The following KRT39 variants were observed in gnomAD, a reference collection of about 807,000 sequenced individuals.
KRT39 encodes keratin, type I cytoskeletal 39.
KRT39 carries 47 observed loss-of-function variants against 54.8 expected under a neutral mutation model. The ratio of observed to expected loss-of-function variants is 0.86; its 90% CI spans 0.68 to 1.09. The LOEUF (loss-of-function observed/expected upper bound fraction) is 1.09. Ranked by LOEUF, KRT39 falls within the 50% of genes least tolerant of loss-of-function variation. KRT39 has a pLI of 0.00. For missense variants in KRT39, 580 were observed against 598.5 expected, an observed-to-expected ratio of 0.97 and a Z score of 0.32; for synonymous variants, 207 against 227.9, an observed-to-expected ratio of 0.91 and a Z score of 0.83.
chr17:40,962,610 C>A (rs919825749), intron 3 of KRT39, 47 bp from the exon 4 acceptor site: 7 of 1,529,644 alleles, frequency 4.6e-6, no homozygotes, highest in East Asian at 2.3e-5. Context: ...ACAGATAACC[C>A]CTTTGTGTTC....
rs747916915 is a variant in KRT39, at chr17:40,958,780, C to T, written c.1297G>A (p.Ala433Thr). 2 of 1,613,944 alleles carry T rather than the reference C, an allele frequency of 1.2e-6. No individual in the cohort carries two copies. The highest frequency in any genetic ancestry group is 4.5e-5 in the East Asian group (2 of 44,850). ...SCKSGAIEST[A>T]PACTSSSPCS... ...GGGGATGAGGATGTGCAAGCTGGGG[C>T]CGTGCTTTCTATGGCTCCGGACTTA... Residue 433 changes from alanine to threonine, a missense_variant, in exon 7 of 7, where the codon GCC (alanine) becomes ACC (threonine). Physicochemically the swap from Ala to Thr is moderately conservative, Grantham distance 58. Coordinates refer to ENST00000355612, the MANE Select transcript of KRT39 (RefSeq NM_213656.4).
chr17:40,963,536 G>A, intron 3 of KRT39, 91 bp downstream of exon 3: 1 of 1,221,112 alleles, frequency 8.2e-7, no homozygotes, highest in Non-Finnish European at 1.1e-6. Flanking sequence ...ACTAATACAA[G>A]CGGGCACACC....
chr17:40,961,997 G>A (rs2063333), intron 5 of KRT39, among the ~76,000 whole-genome samples, 165 bp downstream of exon 5: 99,289 of 152,124 alleles, frequency 0.65, 34,051 homozygotes, highest in African/African-American at 0.88. Flanking sequence ...TTAGTGCAGC[G>A]TTTCGTAGAC....
intron 5 of KRT39, among the ~76,000 whole-genome samples, chr17:40,961,458 G>A (rs1911149361): frequency 6.6e-6 from 1 of 152,136 alleles, no homozygotes; most frequent in Non-Finnish European, 1.5e-5. Context: ...ACCAGTGTGG[G>A]GCAAGGTCTT....
At position 40,962,278 on chromosome 17, in the gene KRT39, G is replaced by T; in HGVS notation, c.880C>A (p.Leu294Met). Residue 294 changes from leucine to methionine, a missense_variant, in exon 5 of 7, where the codon CTG becomes ATG. Physicochemically the swap from Leu to Met is conservative, Grantham distance 15. Coordinates refer to ENST00000355612, the MANE Select transcript of KRT39 (RefSeq NM_213656.4). ...GAGCTGGTCACCACTTGTTGATTCA[G>T]CTCCTCTATCTGAAACACACAGCCA... ...EQWFNTQIEE[L>M]NQQVVTSSQQ... 6.2e-7 allele frequency: 1 copy of T among 1,614,182 alleles called. No homozygotes were observed. The highest frequency in any genetic ancestry group is 8.5e-7 in the Non-Finnish European group (1 of 1,180,040).
rs1911195949 is a variant in KRT39 at position 40,962,476 on chromosome 17, G to A, written c.796C>T (p.Gln266Ter). Residue 266 changes from glutamine to a stop codon, truncating the protein, a stop_gained, in exon 4 of 7, where the codon CAA (glutamine) becomes TAA (stop). Transcript: ENST00000355612. LOFTEE classifies it high-confidence loss of function. ...APSADLNQVL[Q>*]EMRCQYEPIM... ...GGCTCATATTGACATCTCATTTCTTGTAGAACCTGGTTTAGGTCAGCAGAA... is the reference window on the plus strand; with the variant it reads ...GGCTCATATTGACATCTCATTTCTTATAGAACCTGGTTTAGGTCAGCAGAA... The A allele has an allele frequency of 5.0e-6, 8 of 1,614,142 alleles. No individual in the cohort carries two copies. The highest frequency in any genetic ancestry group is 6.8e-6 in the Non-Finnish European group (8 of 1,180,030).
Position 40,958,810 on chromosome 17 carries a change from A to T in KRT39, c.1267T>A (p.Ser423Thr). 6.2e-7 allele frequency: 1 copy of T among 1,613,220 alleles called. No individual in the cohort carries two copies. ...ATKCEPSPWT[S>T]CKSGAIESTA... ...CTTTCTATGGCTCCGGACTTACAAG[A>T]TGTCCAAGGGGAAGGCTCACATTTG... is the stretch of plus-strand genomic sequence containing the variant. Residue 423 changes from serine to threonine, a missense_variant, in exon 7 of 7, where the codon TCT becomes ACT. Coordinates refer to ENST00000355612, the MANE Select transcript of KRT39 (RefSeq NM_213656.4).
intron 2 of KRT39, chr17:40,964,127 A>G: frequency 2.3e-6 from 1 of 438,668 alleles, no homozygotes; most frequent in Non-Finnish European, 4.0e-6. Context: ...AGTTATGCTT[A>G]CCTTTGGGTG....
At chr17:40,960,218 C>G (rs1911081651) in intron 6 of KRT39, 63 bp downstream of exon 6, 1 of 1,432,912 alleles carries the variant, frequency 7.0e-7, no homozygotes, top group South Asian at 1.2e-5. Flanking sequence ...TTGCCAGTGG[C>G]AGTACATATA....
At chr17:40,959,352 T>C (rs1911041730) in intron 6 of KRT39, among the ~76,000 whole-genome samples, 1 of 152,256 alleles carries the variant, frequency 6.6e-6, no homozygotes, top group Admixed American at 6.5e-5. Flanking sequence ...GTCATACTAA[T>C]AGTGGTGGCC....
intron 1 of KRT39, among the ~76,000 whole-genome samples, chr17:40,965,790 G>T (rs1258344517): frequency 6.6e-6 from 1 of 152,124 alleles, no homozygotes; most frequent in African/African-American, 2.4e-5. Context: ...TTAAAAAATG[G>T]CAACAACTTG....
chr17:40,958,464 C>T lies in KRT39; in HGVS notation c.*137G>A. The T allele has an allele frequency of 1.2e-6, 1 of 836,384 alleles. No individual in the cohort carries two copies. The highest frequency in any genetic ancestry group is 1.9e-6 in the Non-Finnish European group (1 of 539,336). The allele number at this position is 836,384 out of a possible 1,614,324, so 51.8% of individuals were successfully genotyped here. A position where few individuals can be genotyped will look rare whatever the true frequency, so the allele number is the denominator to read the frequency against. ...AAGGAGCAGAATAAAAGATATTCTA[C>T]CTAGCAATGGGGACCCGCTGTAGTA... is the stretch of plus-strand genomic sequence containing the variant. On this transcript the variant is annotated 3_prime_UTR_variant, in exon 7 of 7. Transcript: ENST00000355612.
intron 5 of KRT39, 200 bp from the exon 6 acceptor site, chr17:40,960,701 C>G: frequency 1.7e-6 from 1 of 583,788 alleles, no homozygotes; most frequent in Non-Finnish European, 3.0e-6. Flanking sequence ...TATCTCTTCC[C>G]TCTTTCTCTC....
At chr17:40,965,539 G>A (rs1460916547) in intron 1 of KRT39, among the ~76,000 whole-genome samples, 1 of 152,162 alleles carries the variant, frequency 6.6e-6, no homozygotes, top group Non-Finnish European at 1.5e-5. Flanking sequence ...TGTTGTTGCT[G>A]CTCAGTAAAC....
At position 40,963,647 on chromosome 17, in the gene KRT39, G is replaced by C; in HGVS notation, c.688C>G (p.Leu230Val). Residue 230 changes from leucine to valine, a missense_variant, in exon 3 of 7, where the codon CTC becomes GTC. Leu to Val is a conservative substitution (Grantham distance 32). Transcript: ENST00000355612. Reference protein sequence around the residue: ...VQSLKEELLCLKNNHKEEINS... With the variant: ...VQSLKEELLCVKNNHKEEINS... ...CTCACCTCTTTGTGGTTGTTCTTGA[G>C]GCAAAGGAGCTCCTCTTTCAGAGAC... 6.2e-7 allele frequency: 1 copy of C among 1,607,868 alleles called. No homozygotes were observed.
At position 40,962,394 on chromosome 17, in the gene KRT39, TC is replaced by T; in HGVS notation, c.870+7del. 1 of 1,613,868 alleles carries T rather than the reference TC, an allele frequency of 6.2e-7. No homozygotes were observed. Among genetic ancestry groups the T allele is most frequent in the Non-Finnish European group, 8.5e-7 (1 of 1,179,852 alleles). ...GCTTATTGTTTTTGACTTTTCTATA[TC>T]CCCCACCTGCGTGTTGAACCACTGT... On this transcript the variant is annotated splice_region_variant and intron_variant, in intron 4 of 6. Transcript: ENST00000355612.
At position 40,958,484 on chromosome 17, in the gene KRT39, G is replaced by C; in HGVS notation, c.*117C>G. 8.7e-7 allele frequency: 1 copy of C among 1,148,416 alleles called. No homozygotes were observed. The highest frequency in any genetic ancestry group is 1.2e-6 in the Non-Finnish European group (1 of 813,488). 71.1% of individuals were successfully genotyped at this position (1,148,416 alleles called of 1,614,324 possible). The stretch of plus-strand genomic sequence containing the variant: ...TTCTACCTAGCAATGGGGACCCGCT[G>C]TAGTAGTAAGAAACTAAGTACCTTA... On this transcript the variant is annotated 3_prime_UTR_variant, in exon 7 of 7. Transcript: ENST00000355612.
At chr17:40,960,568 T>A in intron 5 of KRT39, 67 bp from the exon 6 acceptor site, 5 of 1,170,636 alleles carry the variant, frequency 4.3e-6, no homozygotes, top group African/African-American at 3.1e-5. Context: ...GTGACCTGTA[T>A]CATTTAAAAA....
Position 40,966,374 on chromosome 17 carries a change from T to G in KRT39, c.468+15A>C. On this transcript the variant is annotated intron_variant, in intron 1 of 6. Coordinates refer to ENST00000355612, the MANE Select transcript of KRT39 (RefSeq NM_213656.4). ...TAATTCACAACACGATTAAACAGGT[T>G]CTTAGGAATCTTACCTTCTGCTGGA... is the stretch of plus-strand genomic sequence containing the variant. 7 of 1,553,282 alleles carry G rather than the reference T, an allele frequency of 4.5e-6. No individual in the cohort carries two copies. The highest frequency in any genetic ancestry group is 6.2e-6 in the Non-Finnish European group (7 of 1,126,764).
Sources: gnomAD v4.1 joint callset for allele counts (sites outside exome capture counted in the v4.1 genomes callset) on GRCh38, gnomAD v4.1.1 for gene constraint, MANE v1.5 for transcripts, NCBI Gene and HGNC (gene_info 2026-07-23, HGNC 2026-07-21) for gene names.